Variants in APBA1 observed in about 807,000 individuals in gnomAD.
APBA1 encodes amyloid beta precursor protein binding family A member 1.
APBA1 carries 55 observed loss-of-function variants against 86.6 expected under a neutral mutation model. The observed-to-expected ratio is 0.64, with a 90% CI of 0.51 to 0.80. The LOEUF is 0.80. Ranked by LOEUF, APBA1 falls within the 30% of genes least tolerant of loss-of-function variation. APBA1 has a pLI of 0.00. For missense variants in APBA1, 1,090 were observed against 1,183.0 expected (o/e 0.92, Z 1.15); for synonymous variants, 511 against 493.9 (o/e 1.03, Z -0.46).
intron 1 of APBA1, among the ~76,000 whole-genome samples, chr9:69,638,529 T>C: frequency 6.6e-6 from 1 of 152,070 alleles, no homozygotes. Context: ...GTGTGAGCCA[T>C]CAAGTGCATA....
At chr9:69,639,641 T>G (rs991211608) in intron 1 of APBA1, among the ~76,000 whole-genome samples, 7 of 152,320 alleles carry the variant, frequency 4.6e-5, no homozygotes, top group Admixed American at 1.3e-4. Context: ...AAAACTTGCC[T>G]TTCTCACTGG....
In APBA1 at chr9:69,471,714, G is replaced by T. The variant is rs761243123; in HGVS notation, c.1297-19C>A. On this transcript the variant is annotated intron_variant, in intron 3 of 12. Transcript: ENST00000265381. ...TTCTTGACTGTAATAAAGACAAAGA[G>T]GTTTCAAAAAGAGCAAAGCATAATG... 2 of 1,608,036 alleles carry T rather than the reference G, an allele frequency of 1.2e-6. No homozygotes were observed. The highest frequency in any genetic ancestry group is 2.2e-5 in the South Asian group (2 of 90,692).
At position 69,432,667 on chromosome 9, in the gene APBA1, G is replaced by A. The variant is rs1232401148; in HGVS notation, c.2311C>T (p.Leu771Phe). 3.2e-6 allele frequency: 5 copies of A among 1,585,850 alleles called. No individual in the cohort carries two copies. The highest frequency in any genetic ancestry group is 4.3e-6 in the Non-Finnish European group (5 of 1,168,268). Residue 771 changes from leucine to phenylalanine, a missense_variant, in exon 12 of 13, where the codon CTC (leucine) becomes TTC (phenylalanine). Around this residue, in one of 6 missense-constraint regions of APBA1, gnomAD observed 119 missense variants for 124.8 expected, o/e 0.95. Transcript: ENST00000265381. Reference sequence around the variant, plus strand: ...CTCTCAGCTATTCCCCCTCGCATGAGGCTGCAGATCTGCCAGAGTCAAAGG... The same window carrying A: ...CTCTCAGCTATTCCCCCTCGCATGAAGCTGCAGATCTGCCAGAGTCAAAGG... ...FSVQNGIICS[L>F]MRGGIAERGG... is the part of the protein sequence containing the mutation.
intron 1 of APBA1, among the ~76,000 whole-genome samples, chr9:69,657,432 C>T (rs1823634464): frequency 1.3e-5 from 2 of 152,210 alleles, no homozygotes. Flanking sequence ...GACATGGGAA[C>T]CATGGTTCAC....
chr9:69,665,818 C>T (rs1823831387), intron 1 of APBA1, among the ~76,000 whole-genome samples: 1 of 152,200 alleles, frequency 6.6e-6, no homozygotes, highest in Admixed American at 6.5e-5. Context: ...TCACTGCAAC[C>T]TCTGCCTCCC....
In APBA1 at chr9:69,561,645, T is replaced by C. The variant is rs77066334; in HGVS notation, c.-69-44366A>G. ...TATCTACAGGATTTTTTTTTTTTTT[T>C]CTGAAACAGAGACTCACTGTGTTGC... On this transcript the variant is annotated intron_variant, in intron 1 of 12. Coordinates refer to ENST00000265381, the MANE Select transcript of APBA1 (RefSeq NM_001163.4). Among the ~76,000 whole-genome samples the C allele has an allele frequency of 5.3e-5, 8 of 151,400 alleles. No homozygotes were observed. The East Asian group carries it at 1.4e-3, about 26-fold the overall frequency.
chr9:69,560,725 T>C (rs1836934719), intron 1 of APBA1, among the ~76,000 whole-genome samples: 1 of 152,178 alleles, frequency 6.6e-6, no homozygotes, highest in South Asian at 2.1e-4. Context: ...AATATTTACA[T>C]TATACTTAAC....
In APBA1 at chr9:69,427,872, T is replaced by TTGTA; in HGVS notation, c.*3454_*3455insTACA. The TTGTA allele has an allele frequency of 6.6e-6, 1 of 152,288 alleles. No homozygotes were observed. The highest frequency in any genetic ancestry group is 6.5e-5 in the Admixed American group (1 of 15,292). The allele number at this position is 152,288 out of a possible 1,614,324, so 9.4% of individuals were successfully genotyped here. On this transcript the variant is annotated 3_prime_UTR_variant, in exon 13 of 13. Coordinates refer to ENST00000265381, the MANE Select transcript of APBA1 (RefSeq NM_001163.4). ...CTTCTCCCGACACTTTACAATAAGC[T>TTGTA]CTATTTCACCCTCTTTACAGAACAA...
chr9:69,639,344 A>C (rs1823240644), intron 1 of APBA1, among the ~76,000 whole-genome samples: 1 of 152,202 alleles, frequency 6.6e-6, no homozygotes, highest in East Asian at 1.9e-4. Context: ...AATAATGAGC[A>C]ACCTAGTAGT....
intron 9 of APBA1, 53 bp downstream of exon 9, chr9:69,452,069 A>G: frequency 6.4e-7 from 1 of 1,566,516 alleles, no homozygotes; most frequent in South Asian, 1.2e-5. Context: ...CCCACTTTCC[A>G]AGCCCCTGCC....
intron 2 of APBA1, among the ~76,000 whole-genome samples, chr9:69,498,316 T>C (rs1177744955): frequency 1.3e-5 from 2 of 152,162 alleles, no homozygotes; most frequent in South Asian, 4.1e-4. Flanking sequence ...TCAATGCCCA[T>C]GGGAAGCTGA....
intron 1 of APBA1, among the ~76,000 whole-genome samples, chr9:69,663,974 G>A (rs1823800922): frequency 6.6e-6 from 1 of 152,160 alleles, no homozygotes; most frequent in South Asian, 2.1e-4. Context: ...CAAGATAACA[G>A]AAATTGAAAG....
chr9:69,515,425 A>C (rs1333411797), intron 2 of APBA1, among the ~76,000 whole-genome samples: 1 of 151,980 alleles, frequency 6.6e-6, no homozygotes, highest in Non-Finnish European at 1.5e-5. Flanking sequence ...TGCCACTTTC[A>C]CATACCCTAT....
In APBA1 at chr9:69,572,536, C is replaced by A. The variant is rs146601270; in HGVS notation, c.-69-55257G>T. 1.3e-3 allele frequency among the ~76,000 whole-genome samples: 202 copies of A among 152,224 alleles called. 2 individuals carry two copies. The highest frequency in any genetic ancestry group is 2.2e-3 in the Non-Finnish European group (150 of 68,012). On this transcript the variant is annotated intron_variant, in intron 1 of 12. Transcript: ENST00000265381. Reference sequence around the variant, plus strand: ...GTGTATTGTTCCCTTTCTAGAAACCCCCTCTCACTTCATCTCTACTGTGGC... The same window carrying A: ...GTGTATTGTTCCCTTTCTAGAAACCACCTCTCACTTCATCTCTACTGTGGC...
chr9:69,657,114 G>A (rs1168126937), intron 1 of APBA1, among the ~76,000 whole-genome samples: 3 of 152,122 alleles, frequency 2.0e-5, no homozygotes, highest in African/African-American at 7.2e-5. Flanking sequence ...CAAGGTGCTG[G>A]GATTACAGGC....
chr9:69,459,463 T>C (rs1373360392), intron 5 of APBA1, among the ~76,000 whole-genome samples: 3 of 152,270 alleles, frequency 2.0e-5, no homozygotes, highest in African/African-American at 4.8e-5. Flanking sequence ...AGCTATGTTA[T>C]AAGGTGCACA....
intron 1 of APBA1, among the ~76,000 whole-genome samples, chr9:69,609,892 G>A (rs565263281): frequency 2.1e-3 from 326 of 152,174 alleles, no homozygotes; most frequent in Non-Finnish European, 3.2e-3. Context: ...TCAAATTCCC[G>A]GGCTCAAGTG....
At chr9:69,440,584 G>T (rs996473546) in intron 11 of APBA1, among the ~76,000 whole-genome samples, 2 of 152,204 alleles carry the variant, frequency 1.3e-5, no homozygotes, top group African/African-American at 4.8e-5. Context: ...CTCCGAGCCA[G>T]GTGTGGGGTA....
intron 1 of APBA1, among the ~76,000 whole-genome samples, chr9:69,621,849 T>C (rs560024689): frequency 6.6e-6 from 1 of 152,274 alleles, no homozygotes; most frequent in African/African-American, 2.4e-5. Context: ...TTCCTACTAG[T>C]GAATAAACCA....
Sources: gnomAD v4.1 joint callset for allele counts (sites outside exome capture counted in the v4.1 genomes callset) on GRCh38, gnomAD v4.1.1 for gene constraint, gnomAD v4.1.1 regional missense constraint, MANE v1.5 for transcripts, NCBI Gene and HGNC (gene_info 2026-07-23, HGNC 2026-07-21) for gene names.